Variants in NFYB observed in about 807,000 individuals in gnomAD.
NFYB encodes the protein CAAT box DNA-binding protein subunit B.
In NFYB, 13 loss-of-function variants were observed where a neutral mutation model predicts 28.0. That is an observed-to-expected ratio of 0.46 (90% CI 0.30 to 0.74). The LOEUF is 0.74. Among genes scored for constraint, NFYB ranks in the 30% least tolerant of loss-of-function variants. The pLI, the probability that NFYB is intolerant of heterozygous loss-of-function variation, is 0.07. For missense variants in NFYB, 142 were observed against 247.6 expected (o/e 0.57, Z 2.86); for synonymous variants, 74 against 75.0 (o/e 0.99, Z 0.07).
chr12:104,126,935 G>A (rs191769418), intron 3 of NFYB, among the ~76,000 whole-genome samples: 2 of 152,312 alleles, frequency 1.3e-5, no homozygotes, highest in East Asian at 1.9e-4. Flanking sequence ...GATTATTACT[G>A]ATCCAGTTGG....
At chr12:104,130,947 G>A (rs1593635138) in intron 2 of NFYB, among the ~76,000 whole-genome samples, 1 of 152,116 alleles carries the variant, frequency 6.6e-6, no homozygotes, top group East Asian at 1.9e-4. Context: ...GGGTTGGGAA[G>A]AATAACAGAA....
intron 7 of NFYB, 55 bp from the exon 8 acceptor site, chr12:104,119,824 C>T: frequency 2.7e-6 from 3 of 1,097,532 alleles, no homozygotes; most frequent in Non-Finnish European, 4.1e-6. Flanking sequence ...ATTAAAAGTA[C>T]CATATGCATA....
At chr12:104,123,725 C>A (rs909282634) in intron 4 of NFYB, among the ~76,000 whole-genome samples, 1 of 152,018 alleles carries the variant, frequency 6.6e-6, no homozygotes, top group East Asian at 1.9e-4. Context: ...TTTGGGAGGC[C>A]GAGGCGGGCG....
chr12:104,126,160 G>A lies in NFYB; in HGVS notation c.185C>T (p.Ala62Val). 2 of 1,602,734 alleles carry A rather than the reference G, an allele frequency of 1.2e-6. No individual in the cohort carries two copies. Among genetic ancestry groups the A allele is most frequent in the Non-Finnish European group, 8.5e-7 (1 of 1,175,512 alleles). ...FREQDIYLPI[A>V]NVARIMKNAI... ...ATTTTTCATTATCCTAGCCACGTTT[G>A]CTATTGGAAGATATATATCTTGTTC... The change falls in exon 4 of 8, where the codon GCA (alanine) becomes GTA (valine). Residue 62 changes from alanine to valine, a missense_variant. Around this residue, in one of 2 missense-constraint regions of NFYB, gnomAD observed 88 missense variants for 189.5 expected, o/e 0.46. Transcript: ENST00000240055.
intron 1 of NFYB, chr12:104,137,438 G>A (rs956967719): frequency 2.6e-5 from 4 of 152,348 alleles, no homozygotes; most frequent in African/African-American, 9.6e-5. Flanking sequence ...CGCAAACCAG[G>A]CTGCGGGGAA....
chr12:104,120,204 G>A lies in NFYB; in HGVS notation c.591+196C>T, dbSNP rs201386542. Among the ~76,000 whole-genome samples the A allele has an allele frequency of 2.3e-3, 346 of 151,960 alleles. 3 individuals carry two copies. The highest frequency in any genetic ancestry group is 9.9e-3 in the East Asian group (51 of 5,164). ...CAAGCAGAGGGGATTACAGGTACACGCCATGACGCCCAGCTAATTTTTGTA... is the reference window on the plus strand; with the variant it reads ...CAAGCAGAGGGGATTACAGGTACACACCATGACGCCCAGCTAATTTTTGTA... On this transcript the variant is annotated intron_variant, in intron 7 of 7. Transcript: ENST00000240055.
intron 2 of NFYB, among the ~76,000 whole-genome samples, chr12:104,129,684 G>A (rs1323181880): frequency 6.6e-6 from 1 of 152,134 alleles, no homozygotes; most frequent in Middle Eastern, 3.2e-3. Flanking sequence ...TTCAAGATCA[G>A]CCTGGGCAAC....
chr12:104,133,133 A>G (rs1565827593), intron 2 of NFYB, among the ~76,000 whole-genome samples: 1 of 152,172 alleles, frequency 6.6e-6, no homozygotes, highest in African/African-American at 2.4e-5. Context: ...GCCCTCTTTA[A>G]TGTTTACATT....
chr12:104,126,786 G>A (rs2030733495), intron 3 of NFYB, among the ~76,000 whole-genome samples: 1 of 152,050 alleles, frequency 6.6e-6, no homozygotes, highest in South Asian at 2.1e-4. Context: ...AGATTAAGAG[G>A]TTGTATGTTT....
intron 3 of NFYB, among the ~76,000 whole-genome samples, chr12:104,126,806 CAA>C (rs1290998927): frequency 1.3e-5 from 2 of 152,096 alleles, no homozygotes; most frequent in Non-Finnish European, 2.9e-5. Context: ...TCTCCAAACC[CAA>C]GTTTATATAA....
chr12:104,127,597 A>T (rs1479467617), intron 3 of NFYB, among the ~76,000 whole-genome samples: 8 of 151,640 alleles, frequency 5.3e-5, no homozygotes, highest in Non-Finnish European at 7.4e-5. Context: ...AAAAAAAAAA[A>T]AATTTTTTTT....
At chr12:104,133,652 A>G (rs758544593) in intron 2 of NFYB, among the ~76,000 whole-genome samples, 2 of 152,178 alleles carry the variant, frequency 1.3e-5, no homozygotes, top group Non-Finnish European at 2.9e-5. Flanking sequence ...TGCCCCCTCA[A>G]ATACGGTTCT....
intron 1 of NFYB, among the ~76,000 whole-genome samples, chr12:104,136,151 T>C (rs2031092229): frequency 6.6e-6 from 1 of 152,224 alleles, no homozygotes; most frequent in South Asian, 2.1e-4. Context: ...ACCACCATTT[T>C]TGACTAAAAT....
At chr12:104,133,758 T>C (rs1364371471) in intron 2 of NFYB, among the ~76,000 whole-genome samples, 1 of 152,192 alleles carries the variant, frequency 6.6e-6, no homozygotes, top group Non-Finnish European at 1.5e-5. Flanking sequence ...GGATAAGAAA[T>C]AATACAAAGA....
intron 2 of NFYB, among the ~76,000 whole-genome samples, chr12:104,132,926 A>G (rs558830031): frequency 2.6e-5 from 4 of 152,344 alleles, no homozygotes; most frequent in Admixed American, 2.0e-4. Context: ...AGACTCAAGG[A>G]ACTGATAAAT....
At chr12:104,128,599 G>A in intron 2 of NFYB, 82 bp from the exon 3 acceptor site, 1 of 823,402 alleles carries the variant, frequency 1.2e-6, no homozygotes, top group South Asian at 1.6e-5. Context: ...ACTGTCACAG[G>A]ATGATGCATC....
At chr12:104,128,361 T>G (rs2030798194) in intron 3 of NFYB, 63 bp downstream of exon 3, 1 of 1,187,722 alleles carries the variant, frequency 8.4e-7, no homozygotes, top group Non-Finnish European at 1.2e-6. Flanking sequence ...ACCATATTAA[T>G]GAAATGTCCA....
At position 104,128,402 on chromosome 12, in the gene NFYB, G is replaced by T. The variant is rs774169850; in HGVS notation, c.100+22C>A. 3.7e-5 allele frequency: 57 copies of T among 1,559,104 alleles called. No homozygotes were observed. In the Admixed American group the frequency reaches 3.8e-4, roughly 10 times the overall value. ...TAACTTGCTTCAACTTGAGAATTTG[G>T]TTCTAATTGTGGCTTGCTTACCATC... On this transcript the variant is annotated intron_variant, in intron 3 of 7. Coordinates refer to ENST00000240055, the MANE Select transcript of NFYB (RefSeq NM_006166.4).
intron 7 of NFYB, 110 bp downstream of exon 7, chr12:104,120,290 G>A (rs2030417405): frequency 1.3e-6 from 1 of 781,116 alleles, no homozygotes; most frequent in Admixed American, 2.2e-5. Context: ...CCTGACCTCA[G>A]GTGATCCACC....
Sources: allele counts gnomAD v4.1 joint callset (sites outside exome capture counted in the v4.1 genomes callset), GRCh38; gene constraint gnomAD v4.1.1; regional missense constraint gnomAD v4.1.1; transcripts MANE v1.5; gene names NCBI Gene and HGNC (gene_info 2026-07-23, HGNC 2026-07-21).